The following TRIM5 variants were observed in gnomAD, a reference collection of about 807,000 sequenced individuals.
The protein encoded by TRIM5 is tripartite motif-containing protein 5.
TRIM5 carries 31 observed loss-of-function variants against 35.6 expected under a neutral mutation model. The ratio of observed to expected loss-of-function variants is 0.87; its 90% CI spans 0.65 to 1.18. TRIM5 has a LOEUF of 1.18. Among genes scored for constraint, TRIM5 ranks in the 50% most tolerant of loss-of-function variants. The pLI is 0.00. For synonymous variants in TRIM5, 243 were observed against 215.6 expected (o/e 1.13, Z -1.11); for missense variants, 609 against 591.6 (o/e 1.03, Z -0.31).
chr11:5,651,503 A>G, the TRIM5 span, among the ~76,000 whole-genome samples: 4 of 152,184 alleles, frequency 2.6e-5, no homozygotes, highest in Non-Finnish European at 5.9e-5. Context: ...CTAGCATTCC[A>G]TGGTGTATAG....
chr11:5,632,294 C>G, the TRIM5 span: 1 of 1,613,434 alleles, frequency 6.2e-7, no homozygotes, highest in Non-Finnish European at 8.5e-7. Context: ...AGGAGAGCCT[C>G]AGGAGTTAGG....
At chr11:5,596,915 G>A in the TRIM5 span, 3 of 1,614,086 alleles carry the variant, frequency 1.9e-6, no homozygotes, top group Non-Finnish European at 2.5e-6. Context: ...GGTCAGAGAG[G>A]TATGTCTACC....
the TRIM5 span, chr11:5,605,503 C>A: frequency 1.2e-6 from 2 of 1,614,110 alleles, no homozygotes; most frequent in Non-Finnish European, 1.7e-6. Context: ...CAGACCCAGT[C>A]GCTGCGAGAG....
the TRIM5 span, chr11:5,643,589 C>A: frequency 6.2e-7 from 1 of 1,614,110 alleles, no homozygotes; most frequent in Non-Finnish European, 8.5e-7. Flanking sequence ...TTTTCAATGT[C>A]ACAAGCCATG....
At chr11:5,618,007 G>C in the TRIM5 span, among the ~76,000 whole-genome samples, 1 of 152,142 alleles carries the variant, frequency 6.6e-6, no homozygotes, top group African/African-American at 2.4e-5. Context: ...GTCAGTGTGT[G>C]AGTCAAATCC....
At position 5,679,164 on chromosome 11, in the gene TRIM5, C is replaced by A; in HGVS notation, c.423G>T (p.Lys141Asn). The A allele has an allele frequency of 3.7e-6, 6 of 1,613,652 alleles. No homozygotes were observed. Among genetic ancestry groups the A allele is most frequent in the Non-Finnish European group, 5.1e-6 (6 of 1,179,680 alleles). ...TEEVAREYQV[K>N]LQAALEMLRQ... ...TCAGCATCTCCAGAGCTGCCTGGAG[C>A]TTCACCTGTGAGAAAGGAATCACAC... Residue 141 changes from lysine (K) to asparagine (N), a missense_variant, in exon 3 of 8, where the codon AAG (lysine) becomes AAT (asparagine). Physicochemically the swap from Lys to Asn is moderately conservative, Grantham distance 94. Coordinates refer to ENST00000380034, the MANE Select transcript of TRIM5 (RefSeq NM_033034.3).
chr11:5,651,174 T>G, the TRIM5 span, among the ~76,000 whole-genome samples: 4 of 152,222 alleles, frequency 2.6e-5, no homozygotes, highest in African/African-American at 7.2e-5. Flanking sequence ...AATTTCCTTT[T>G]CACTTTAAAA....
the TRIM5 span, chr11:5,611,117 C>T: frequency 6.2e-7 from 1 of 1,614,150 alleles, no homozygotes. Flanking sequence ...AATATAGGGC[C>T]TATGAGGATT....
At chr11:5,639,707 AG>A in the TRIM5 span, among the ~76,000 whole-genome samples, 1,307 of 139,932 alleles carry the variant, frequency 9.3e-3, 39 homozygotes, top group African/African-American at 0.037. Flanking sequence ...AAAAAAAAAA[AG>A]ATTGGAAGAG....
chr11:5,641,147 GT>G, the TRIM5 span: 1 of 1,610,186 alleles, frequency 6.2e-7, no homozygotes, highest in East Asian at 2.2e-5. Context: ...TTTGACTCAT[GT>G]TTTCTCTTTT....
the TRIM5 span, chr11:5,642,459 C>G: frequency 6.2e-7 from 1 of 1,613,894 alleles, no homozygotes; most frequent in Non-Finnish European, 8.5e-7. Context: ...AAACTGAAGA[C>G]TGTATTCCAT....
At chr11:5,637,678 A>C in the TRIM5 span, among the ~76,000 whole-genome samples, 39 of 152,236 alleles carry the variant, frequency 2.6e-4, no homozygotes, top group Admixed American at 1.6e-3. Context: ...ATTAAGTGGG[A>C]TCCCTCTCTG....
chr11:5,614,822 TATA>T, the TRIM5 span, among the ~76,000 whole-genome samples: 1 of 152,202 alleles, frequency 6.6e-6, no homozygotes, highest in African/African-American at 2.4e-5. Flanking sequence ...ATAACTGACA[TATA>T]ATACATTTCA....
At chr11:5,632,993 ATTTT>A in the TRIM5 span, among the ~76,000 whole-genome samples, 522 of 122,246 alleles carry the variant, frequency 4.3e-3, 5 homozygotes, top group South Asian at 0.046. Flanking sequence ...CGCCTGGCTA[ATTTT>A]TTTTTTTTTT....
chr11:5,633,843 G>A, the TRIM5 span: 1 of 1,614,134 alleles, frequency 6.2e-7, no homozygotes. Flanking sequence ...GAAGAAGGAA[G>A]AGGAGGAAGC....
At chr11:5,647,616 G>A in the TRIM5 span, among the ~76,000 whole-genome samples, 2 of 152,186 alleles carry the variant, frequency 1.3e-5, no homozygotes, top group East Asian at 1.9e-4. Flanking sequence ...TCCACCTCCC[G>A]GGTTCAAGCA....
chr11:5,646,480 C>T, the TRIM5 span, among the ~76,000 whole-genome samples: 1 of 152,228 alleles, frequency 6.6e-6, no homozygotes, highest in Non-Finnish European at 1.5e-5. Flanking sequence ...GCTCTCTTCC[C>T]TGTCTAGCAC....
chr11:5,620,862 A>G, the TRIM5 span, among the ~76,000 whole-genome samples: 1 of 152,224 alleles, frequency 6.6e-6, no homozygotes, highest in African/African-American at 2.4e-5. Flanking sequence ...GCTGCTGTGC[A>G]GTGTTCACAT....
At chr11:5,651,532 C>G in the TRIM5 span, among the ~76,000 whole-genome samples, 20,495 of 152,124 alleles carry the variant, frequency 0.13, 1,852 homozygotes, top group East Asian at 0.43. Context: ...TTTCCTTTAT[C>G]TAGTCTATCA....
Sources: allele counts gnomAD v4.1 joint callset (sites outside exome capture counted in the v4.1 genomes callset), GRCh38; gene constraint gnomAD v4.1.1; transcripts MANE v1.5; gene names NCBI Gene and HGNC (gene_info 2026-07-23, HGNC 2026-07-21).